CALN1: variants seen among roughly 807,000 people sequenced by gnomAD.
CALN1 encodes calcium-binding protein 8.
Under a neutral mutation model 30.6 loss-of-function variants are expected in CALN1, and 17 were observed. The ratio of observed to expected loss-of-function variants is 0.56; its 90% CI spans 0.38 to 0.83. The LOEUF is 0.83. Among genes scored for constraint, CALN1 ranks in the 40% least tolerant of loss-of-function variants. The pLI, the probability that CALN1 is intolerant of heterozygous loss-of-function variation, is 0.00. For missense variants in CALN1, 291 were observed against 354.9 expected, an observed-to-expected ratio of 0.82 and a Z score of 1.45; for synonymous variants, 156 against 131.4, an observed-to-expected ratio of 1.19 and a Z score of -1.28.
chr7:72,316,793 A>C (rs1800480161), intron 2 of CALN1, among the ~76,000 whole-genome samples: 1 of 151,802 alleles, frequency 6.6e-6, no homozygotes, highest in South Asian at 2.1e-4. Context: ...AAAAACTTAG[A>C]AATCAGCTGT....
intron 4 of CALN1, among the ~76,000 whole-genome samples, chr7:72,058,310 CTTT>C (rs3065011): frequency 0.013 from 902 of 70,734 alleles, 7 homozygotes; most frequent in African/African-American, 0.046. Context: ...AAGCTGGAAT[CTTT>C]TTTTTTTTTT....
intron 6 of CALN1, among the ~76,000 whole-genome samples, chr7:71,801,420 G>GTATA (rs1469408457): frequency 9.8e-6 from 1 of 102,456 alleles, no homozygotes; most frequent in Non-Finnish European, 2.0e-5. Context: ...ATGTATGTAT[G>GTATA]TATGTATGTA....
At chr7:72,481,055 C>T in the CALN1 span, among the ~76,000 whole-genome samples, 1 of 152,108 alleles carries the variant, frequency 6.6e-6, no homozygotes, top group Non-Finnish European at 1.5e-5. Flanking sequence ...CGGGTTCAAG[C>T]GATTCTCCTG....
chr7:71,811,536 C>T (rs1311568630), intron 5 of CALN1, among the ~76,000 whole-genome samples: 1 of 151,646 alleles, frequency 6.6e-6, no homozygotes, highest in Non-Finnish European at 1.5e-5. Context: ...GATAAAAACA[C>T]AAGTTCAAAG....
At chr7:72,266,869 C>T (rs1796630903) in intron 3 of CALN1, among the ~76,000 whole-genome samples, 1 of 152,186 alleles carries the variant, frequency 6.6e-6, no homozygotes, top group African/African-American at 2.4e-5. Flanking sequence ...TCACAACTCT[C>T]CACAAAAGAT....
intron 2 of CALN1, among the ~76,000 whole-genome samples, chr7:72,397,714 T>TCTCACA (rs142607076): frequency 0.018 from 2,524 of 142,878 alleles, 79 homozygotes; most frequent in African/African-American, 0.06. Flanking sequence ...CCATTCTCTC[T>TCTCACA]CACACACACA....
chr7:72,193,101 C>A (rs1054774016), intron 3 of CALN1, among the ~76,000 whole-genome samples: 2 of 151,652 alleles, frequency 1.3e-5, no homozygotes, highest in Non-Finnish European at 2.9e-5. Flanking sequence ...AGCAGGAGAA[C>A]CGCTTGAACA....
chr7:72,390,929 C>A (rs1168725297), intron 2 of CALN1, among the ~76,000 whole-genome samples: 1 of 152,170 alleles, frequency 6.6e-6, no homozygotes, highest in Non-Finnish European at 1.5e-5. Context: ...ACAGGCCTCA[C>A]CAGACTGCCA....
the CALN1 span, among the ~76,000 whole-genome samples, chr7:72,490,190 C>T: frequency 6.6e-6 from 1 of 152,148 alleles, no homozygotes; most frequent in Admixed American, 6.6e-5. Flanking sequence ...TATAGTGTGT[C>T]TTTCCACATC....
At chr7:72,493,378 AC>A in the CALN1 span, among the ~76,000 whole-genome samples, 2 of 150,984 alleles carry the variant, frequency 1.3e-5, no homozygotes, top group Non-Finnish European at 2.9e-5. Flanking sequence ...TGACTCTGTC[AC>A]CCGGGCTGGA....
the CALN1 span, among the ~76,000 whole-genome samples, chr7:72,504,218 C>T: frequency 6.6e-6 from 1 of 152,130 alleles, no homozygotes; most frequent in Admixed American, 6.6e-5. Context: ...CAATAAATCC[C>T]ATGTGTCTTT....
At chr7:72,107,085 C>T (rs1807227383) in intron 3 of CALN1, among the ~76,000 whole-genome samples, 1 of 152,070 alleles carries the variant, frequency 6.6e-6, no homozygotes, top group African/African-American at 2.4e-5. Flanking sequence ...TGAGCATCCT[C>T]CAACTCTGGA....
intron 3 of CALN1, among the ~76,000 whole-genome samples, chr7:72,186,867 A>T (rs1365939540): frequency 1.3e-5 from 2 of 148,746 alleles, no homozygotes; most frequent in Non-Finnish European, 1.5e-5. Flanking sequence ...GTGCTGCAAT[A>T]AACATATGAG....
chr7:72,213,369 A>G (rs530220643), intron 3 of CALN1, among the ~76,000 whole-genome samples: 1 of 152,322 alleles, frequency 6.6e-6, no homozygotes, highest in East Asian at 1.9e-4. Flanking sequence ...AGCCTCAGGC[A>G]AAACTTTATG....
chr7:72,103,120 G>C (rs1563059916), intron 4 of CALN1: 1 of 150,438 alleles, frequency 6.6e-6, no homozygotes, highest in Non-Finnish European at 1.5e-5. Flanking sequence ...TTTCTTTTTG[G>C]AGCAATGAAA....
chr7:72,349,521 A>C lies in CALN1; in HGVS notation c.119+53730T>G, dbSNP rs562390707. Among the ~76,000 whole-genome samples the C allele has an allele frequency of 9.2e-5, 14 of 152,314 alleles. 1 individual carries two copies. The highest frequency in any genetic ancestry group is 6.2e-4 in the South Asian group (3 of 4,832). On this transcript the variant is annotated intron_variant, in intron 2 of 6. Transcript: ENST00000395275. Reference sequence around the variant, plus strand: ...AAAAATCTTAAAGTATCCAGAAGAAAAAAAACATTATAGCAGGAGAACAAA... The same window carrying C: ...AAAAATCTTAAAGTATCCAGAAGAACAAAAACATTATAGCAGGAGAACAAA...
At chr7:71,943,231 A>T (rs1368198918) in intron 5 of CALN1, among the ~76,000 whole-genome samples, 1 of 152,216 alleles carries the variant, frequency 6.6e-6, no homozygotes, top group Non-Finnish European at 1.5e-5. Flanking sequence ...TTGCACAATA[A>T]CATTCAAATA....
intron 2 of CALN1, among the ~76,000 whole-genome samples, chr7:72,313,794 A>G (rs554294361): frequency 6.6e-6 from 1 of 152,356 alleles, no homozygotes; most frequent in East Asian, 1.9e-4. Flanking sequence ...AAACACTGCT[A>G]AAATAAGAAC....
intron 4 of CALN1, among the ~76,000 whole-genome samples, chr7:72,025,602 C>A (rs937045789): frequency 1.3e-5 from 2 of 152,080 alleles, no homozygotes; most frequent in East Asian, 3.9e-4. Context: ...CAGACAAGAG[C>A]GAACCTTCAA....
Sources: allele counts gnomAD v4.1 joint callset (sites outside exome capture counted in the v4.1 genomes callset), GRCh38; gene constraint gnomAD v4.1.1; transcripts MANE v1.5; gene names NCBI Gene and HGNC (gene_info 2026-07-23, HGNC 2026-07-21).